GALNT13: variants seen among roughly 807,000 people sequenced by gnomAD.
The protein encoded by GALNT13 is polypeptide N-acetylgalactosaminyltransferase 13.
Under a neutral mutation model 64.2 loss-of-function variants are expected in GALNT13, and 28 were observed. The ratio of observed to expected loss-of-function variants is 0.44; its 90% CI spans 0.32 to 0.60. The LOEUF is 0.60. Ranked by LOEUF, GALNT13 falls within the 20% of genes least tolerant of loss-of-function variation. The pLI, the probability that GALNT13 is intolerant of heterozygous loss-of-function variation, is 0.05. For missense variants in GALNT13, 577 were observed against 669.8 expected (o/e 0.86, Z 1.53); for synonymous variants, 214 against 224.6 (o/e 0.95, Z 0.42).
chr2:154,290,734 T>C (rs550342858), intron 8 of GALNT13, among the ~76,000 whole-genome samples: 16 of 152,240 alleles, frequency 1.1e-4, no homozygotes, highest in South Asian at 6.2e-4. Flanking sequence ...ACCCTTGCAG[T>C]GAGTGTTACA....
At chr2:153,471,788 ATGTAT>A in the GALNT13 span, among the ~76,000 whole-genome samples, 2 of 152,190 alleles carry the variant, frequency 1.3e-5, no homozygotes, top group Admixed American at 6.5e-5. Flanking sequence ...CAAGATACAG[ATGTAT>A]TGTAAGACTC....
chr2:154,316,764 T>A (rs1010828281), intron 9 of GALNT13, among the ~76,000 whole-genome samples: 1 of 152,194 alleles, frequency 6.6e-6, no homozygotes, highest in African/African-American at 2.4e-5. Flanking sequence ...GATGACTTTA[T>A]CTAATCATAG....
intron 4 of GALNT13, among the ~76,000 whole-genome samples, chr2:154,152,719 G>T (rs1027324349): frequency 2.6e-5 from 4 of 151,834 alleles, no homozygotes; most frequent in South Asian, 4.2e-4. Context: ...CCAGTTGATC[G>T]CATCGGCTCC....
the GALNT13 span, among the ~76,000 whole-genome samples, chr2:153,866,531 G>A: frequency 2.6e-5 from 4 of 152,216 alleles, no homozygotes; most frequent in African/African-American, 9.6e-5. Flanking sequence ...GCAAATGACA[G>A]ATGATATAAG....
At chr2:154,255,716 A>G (rs745608834) in intron 7 of GALNT13, among the ~76,000 whole-genome samples, 2 of 152,064 alleles carry the variant, frequency 1.3e-5, no homozygotes, top group Non-Finnish European at 2.9e-5. Context: ...GATTTCATGC[A>G]TTTCCTTGAT....
At chr2:153,134,380 C>A in the GALNT13 span, among the ~76,000 whole-genome samples, 14 of 151,636 alleles carry the variant, frequency 9.2e-5, no homozygotes, top group Admixed American at 3.3e-4. Flanking sequence ...TAAGAACAGC[C>A]AATCTTACCC....
In GALNT13 at chr2:154,042,695, CATATATATAT is replaced by C. The variant is rs70981696; in HGVS notation, c.143-97623_143-97614del. On this transcript the variant is annotated intron_variant, in intron 3 of 12. Transcript: ENST00000392825. ...CTTTACCCTAGTCCTTATCATTATGCATATATATATATATATATATATATATATTAGGTTT... is the reference window on the plus strand; with the variant it reads ...CTTTACCCTAGTCCTTATCATTATGCATATATATATATATATATTAGGTTT... Among the ~76,000 whole-genome samples, 768 of 107,892 alleles carry C rather than the reference CATATATATAT, an allele frequency of 7.1e-3. 69 individuals are homozygous for C. Among genetic ancestry groups the C allele is most frequent in the Non-Finnish European group, 9.7e-3 (453 of 46,734 alleles). The allele number at this position is 107,892 out of a possible 152,430, so 70.8% of individuals were successfully genotyped here.
the GALNT13 span, among the ~76,000 whole-genome samples, chr2:153,734,191 T>C: frequency 6.6e-6 from 1 of 152,180 alleles, no homozygotes; most frequent in African/African-American, 2.4e-5. Context: ...CACTTTGAGG[T>C]CCTCTCTTCT....
the GALNT13 span, among the ~76,000 whole-genome samples, chr2:153,198,250 T>C: frequency 6.6e-6 from 1 of 152,168 alleles, no homozygotes; most frequent in Non-Finnish European, 1.5e-5. Flanking sequence ...GTTCCCACTC[T>C]GAAGCCAGTG....
intron 4 of GALNT13, among the ~76,000 whole-genome samples, chr2:154,226,364 G>T (rs533081949): frequency 2.0e-5 from 3 of 152,086 alleles, no homozygotes; most frequent in Admixed American, 6.6e-5. Context: ...CACTTCTCTT[G>T]CATTCTTGTC....
chr2:154,397,520 G>A (rs1699110657), intron 10 of GALNT13, among the ~76,000 whole-genome samples: 1 of 152,190 alleles, frequency 6.6e-6, no homozygotes, highest in African/African-American at 2.4e-5. Flanking sequence ...TGCCATTGTT[G>A]TAGACCATAA....
the GALNT13 span, among the ~76,000 whole-genome samples, chr2:153,128,104 A>G: frequency 6.6e-6 from 1 of 152,180 alleles, no homozygotes; most frequent in African/African-American, 2.4e-5. Flanking sequence ...AAAGATCATG[A>G]TCTCTACTGC....
At chr2:153,310,816 C>T in the GALNT13 span, among the ~76,000 whole-genome samples, 497 of 152,136 alleles carry the variant, frequency 3.3e-3, 21 homozygotes, top group East Asian at 0.087. Context: ...CAAGGATCAG[C>T]TATACTTAAG....
chr2:153,345,712 T>TTCCTTCCTTCCTTCCTTC, the GALNT13 span, among the ~76,000 whole-genome samples: 3 of 127,046 alleles, frequency 2.4e-5, no homozygotes, highest in Non-Finnish European at 4.9e-5. Flanking sequence ...TCTCTTTCTC[T>TTCCTTCCTTCCTTCCTTC]CTTTCTGTCC....
chr2:153,764,080 G>A, the GALNT13 span, among the ~76,000 whole-genome samples: 9 of 152,328 alleles, frequency 5.9e-5, no homozygotes, highest in South Asian at 1.9e-3. Flanking sequence ...GGTGTTCTCA[G>A]ATGAAGATGA....
chr2:153,689,609 G>C, the GALNT13 span, among the ~76,000 whole-genome samples: 1 of 151,918 alleles, frequency 6.6e-6, no homozygotes, highest in East Asian at 1.9e-4. Flanking sequence ...TTTTGTTTGT[G>C]GTGTCAGGTA....
In GALNT13 at chr2:154,424,139, G is replaced by GA. The variant is rs1700372501; in HGVS notation, c.1396-14447dup. 2.0e-5 allele frequency among the ~76,000 whole-genome samples: 3 copies of GA among 152,212 alleles called. No individual in the cohort carries two copies. In the South Asian group the frequency reaches 6.2e-4, roughly 32 times the overall value. The stretch of plus-strand genomic sequence containing the variant: ...AAATATATTGTTGGATGGGATCTTG[G>GA]AAAAAAGGAGCATGGATTGGATTCG... On this transcript the variant is annotated intron_variant, in intron 11 of 12. Coordinates refer to ENST00000392825, the MANE Select transcript of GALNT13 (RefSeq NM_052917.4).
the GALNT13 span, among the ~76,000 whole-genome samples, chr2:153,178,739 T>C: frequency 8.3e-5 from 12 of 143,818 alleles, no homozygotes; most frequent in African/African-American, 2.8e-4. Context: ...CTTCTTTTTT[T>C]TTTTTTTTTT....
At chr2:153,610,271 AG>A in the GALNT13 span, among the ~76,000 whole-genome samples, 1 of 152,228 alleles carries the variant, frequency 6.6e-6, no homozygotes, top group African/African-American at 2.4e-5. Flanking sequence ...ACAAAGCAAA[AG>A]CTTCATTTAT....
Sources: allele counts gnomAD v4.1 joint callset (sites outside exome capture counted in the v4.1 genomes callset), GRCh38; gene constraint gnomAD v4.1.1; transcripts MANE v1.5; gene names NCBI Gene and HGNC (gene_info 2026-07-23, HGNC 2026-07-21).